Variants in PDE11A observed in about 807,000 individuals in gnomAD.
PDE11A encodes the protein dual 3',5'-cyclic-AMP and -GMP phosphodiesterase 11A.
A neutral mutation model predicts 100.5 loss-of-function variants in PDE11A; 100 were observed. That is an observed-to-expected ratio of 1.00 (90% CI 0.85 to 1.18). The LOEUF is 1.18. PDE11A is among the 50% of genes most tolerant of loss of function. The pLI is 0.00. For missense variants in PDE11A, 1,141 were observed against 1,152.6 expected (o/e 0.99, Z 0.15); for synonymous variants, 381 against 420.8 (o/e 0.91, Z 1.16).
At chr2:177,836,364 T>A (rs533071975) in intron 6 of PDE11A, among the ~76,000 whole-genome samples, 4 of 152,340 alleles carry the variant, frequency 2.6e-5, no homozygotes, top group African/African-American at 9.6e-5. Flanking sequence ...ATCAGCACCC[T>A]GTGTCTAGCT....
chr2:177,751,167 G>C (rs2082020802), intron 10 of PDE11A, among the ~76,000 whole-genome samples: 1 of 151,148 alleles, frequency 6.6e-6, no homozygotes, highest in Non-Finnish European at 1.5e-5. Flanking sequence ...TGATGTGTCT[G>C]AGAAAGAAGC....
intron 19 of PDE11A, among the ~76,000 whole-genome samples, chr2:177,642,567 C>G (rs2080159931): frequency 6.6e-6 from 1 of 152,150 alleles, no homozygotes; most frequent in Non-Finnish European, 1.5e-5. Flanking sequence ...AGTTGCCTAC[C>G]CAATACACGT....
At chr2:177,765,204 A>T (rs958379465) in intron 10 of PDE11A, among the ~76,000 whole-genome samples, 1 of 152,220 alleles carries the variant, frequency 6.6e-6, no homozygotes, top group Non-Finnish European at 1.5e-5. Context: ...GGCATTCTAG[A>T]ATAGGGGGAG....
At chr2:177,798,631 T>C (rs530939444) in intron 9 of PDE11A, among the ~76,000 whole-genome samples, 2 of 152,318 alleles carry the variant, frequency 1.3e-5, no homozygotes, top group East Asian at 1.9e-4. Context: ...AAAATTACCT[T>C]ACTGGATTCT....
chr2:178,044,432 A>G (rs2086723080), intron 1 of PDE11A, among the ~76,000 whole-genome samples: 1 of 148,942 alleles, frequency 6.7e-6, no homozygotes, highest in Admixed American at 6.7e-5. Flanking sequence ...ATATGTTTAT[A>G]TACATAAACA....
At chr2:178,056,103 G>A (rs933961655) in intron 1 of PDE11A, among the ~76,000 whole-genome samples, 3 of 152,164 alleles carry the variant, frequency 2.0e-5, no homozygotes, top group African/African-American at 7.2e-5. Flanking sequence ...TGTCACAGAA[G>A]GGCACCAGCA....
At chr2:177,669,657 C>A (rs1394084947) in intron 17 of PDE11A, 90 bp from the exon 18 acceptor site, 1 of 761,950 alleles carries the variant, frequency 1.3e-6, no homozygotes, top group East Asian at 2.5e-5. Flanking sequence ...TGGTGATCCT[C>A]ATCAACACAA....
chr2:177,829,757 T>A (rs1327685194), intron 6 of PDE11A, among the ~76,000 whole-genome samples: 1 of 151,968 alleles, frequency 6.6e-6, no homozygotes, highest in Non-Finnish European at 1.5e-5. Context: ...CAGCCTATAA[T>A]AAGCAAAATT....
chr2:177,742,545 G>C (rs1866210), intron 10 of PDE11A, among the ~76,000 whole-genome samples: 107,259 of 152,104 alleles, frequency 0.71, 39,516 homozygotes, highest in East Asian at 0.86. Context: ...CAAATACTTA[G>C]TGAGGGCTTG....
At chr2:177,931,922 A>AAG (rs1430685619) in intron 2 of PDE11A, among the ~76,000 whole-genome samples, 3 of 151,326 alleles carry the variant, frequency 2.0e-5, no homozygotes, top group Non-Finnish European at 4.4e-5. Flanking sequence ...AAAAAAAAAA[A>AAG]AAAAAAAAGA....
chr2:177,845,457 A>G (rs1460566296), intron 5 of PDE11A, among the ~76,000 whole-genome samples: 5 of 149,606 alleles, frequency 3.3e-5, no homozygotes, highest in African/African-American at 1.0e-4. Flanking sequence ...GACGCTCCTC[A>G]CTTCCTAGAT....
At chr2:178,052,541 C>T (rs377319061) in intron 1 of PDE11A, among the ~76,000 whole-genome samples, 15,180 of 151,508 alleles carry the variant, frequency 0.1, 770 homozygotes, top group Middle Eastern at 0.15. Context: ...GATAGAGACA[C>T]AAAAAACCCT....
chr2:178,036,224 T>C (rs989880143), intron 1 of PDE11A, among the ~76,000 whole-genome samples: 2 of 151,882 alleles, frequency 1.3e-5, no homozygotes, highest in Non-Finnish European at 2.9e-5. Context: ...TTCCTATATA[T>C]CAACAATAGA....
intron 1 of PDE11A, among the ~76,000 whole-genome samples, chr2:178,026,498 TAAAAATACAA>T (rs1218368009): frequency 6.6e-6 from 1 of 151,848 alleles, no homozygotes; most frequent in Non-Finnish European, 1.5e-5. Context: ...CCGTCTTTAC[TAAAAATACAA>T]AAATTAGCTG....
chr2:177,734,325 G>A (rs904703021), intron 10 of PDE11A, among the ~76,000 whole-genome samples: 17 of 151,950 alleles, frequency 1.1e-4, no homozygotes, highest in African/African-American at 3.6e-4. Context: ...TTGTCTTCTC[G>A]GGGAGCAAAC....
At chr2:177,825,343 T>C (rs2083211648) in intron 6 of PDE11A, among the ~76,000 whole-genome samples, 1 of 151,806 alleles carries the variant, frequency 6.6e-6, no homozygotes, top group African/African-American at 2.4e-5. Flanking sequence ...GGGAAGGAGG[T>C]GAGGCTAAGG....
chr2:178,072,942 G>C (rs545525952), upstream of PDE11A: 1,080 of 985,408 alleles, frequency 1.1e-3, 2 homozygotes, highest in Non-Finnish European at 1.3e-3. Flanking sequence ...TGGACGGCCG[G>C]AATCGGCGCC....
chr2:177,715,077 A>G (rs1027531453), intron 12 of PDE11A, among the ~76,000 whole-genome samples: 1 of 152,186 alleles, frequency 6.6e-6, no homozygotes, highest in African/African-American at 2.4e-5. Flanking sequence ...GGGCTTCATG[A>G]GAAAAGGTCT....
chr2:178,056,721 T>C (rs898771401), intron 1 of PDE11A, among the ~76,000 whole-genome samples: 9 of 152,300 alleles, frequency 5.9e-5, no homozygotes, highest in Middle Eastern at 3.4e-3. Flanking sequence ...AATAATTGTT[T>C]TATGAAAGAG....
Sources: gnomAD v4.1 joint callset for allele counts (sites outside exome capture counted in the v4.1 genomes callset) on GRCh38, gnomAD v4.1.1 for gene constraint, MANE v1.5 for transcripts, NCBI Gene and HGNC (gene_info 2026-07-23, HGNC 2026-07-21) for gene names.